The following PCCA variants were observed in gnomAD, a reference collection of about 807,000 sequenced individuals.
PCCA encodes propionyl-CoA carboxylase subunit alpha, also known as propionyl-CoA carboxylase alpha chain, mitochondrial.
In PCCA, 74 loss-of-function variants were observed where a neutral mutation model predicts 101.3. That is an observed-to-expected ratio of 0.73 (90% CI 0.61 to 0.89). The LOEUF is 0.89. PCCA is among the 40% of genes least tolerant of loss of function. The pLI is 0.00. For synonymous variants in PCCA, 294 were observed against 313.6 expected (o/e 0.94, Z 0.66); for missense variants, 891 against 907.0 (o/e 0.98, Z 0.23).
At position 100,264,182 on chromosome 13, in the gene PCCA, T is replaced by C. The variant is rs1354286635; in HGVS notation, c.819+1351T>C. Among the ~76,000 whole-genome samples the C allele has an allele frequency of 5.5e-5, 3 of 55,026 alleles. 1 individual carries two copies. Among genetic ancestry groups the C allele is most frequent in the Non-Finnish European group, 1.3e-4 (3 of 22,806 alleles). The allele number at this position is 55,026 out of a possible 152,430, so 36.1% of individuals were successfully genotyped here. On this transcript the variant is annotated intron_variant, in intron 10 of 23. Coordinates refer to ENST00000376285, the MANE Select transcript of PCCA (RefSeq NM_000282.4). ...ATGGTATCTGTATATCGTATATATG[T>C]GATATCTGTATATCATATATGTGAT...
intron 1 of PCCA, among the ~76,000 whole-genome samples, chr13:100,098,779 C>T (rs2047004788): frequency 6.6e-6 from 1 of 152,148 alleles, no homozygotes; most frequent in Admixed American, 6.5e-5. Context: ...GAGTCTTGAA[C>T]ATCTCTCTCA....
intron 4 of PCCA, among the ~76,000 whole-genome samples, chr13:100,137,124 T>C (rs1375809396): frequency 6.6e-6 from 1 of 152,156 alleles, no homozygotes. Flanking sequence ...ACATAGGTTA[T>C]TTAAAATTGT....
intron 18 of PCCA, among the ~76,000 whole-genome samples, chr13:100,352,605 G>T (rs2073412889): frequency 6.6e-6 from 1 of 151,504 alleles, no homozygotes; most frequent in Non-Finnish European, 1.5e-5. Flanking sequence ...TGTTACCCAG[G>T]CAAGTCTCGA....
At chr13:100,273,368 T>C (rs763466269) in intron 12 of PCCA, 22 bp downstream of exon 12, 7 of 1,591,994 alleles carry the variant, frequency 4.4e-6, no homozygotes, top group Non-Finnish European at 5.2e-6. Flanking sequence ...TGTTATTTAT[T>C]CCTCTCCATG....
chr13:100,121,161 T>G lies in PCCA; in HGVS notation c.300+9100T>G, dbSNP rs1394772075. On this transcript the variant is annotated intron_variant, in intron 4 of 23. Coordinates refer to ENST00000376285, the MANE Select transcript of PCCA (RefSeq NM_000282.4). The stretch of plus-strand genomic sequence containing the variant: ...TTTAGTGGATTTCTTAGGTTTTTTT[T>G]TTTTTTTTTTTTTTTTAAAGATGGA... Among the ~76,000 whole-genome samples, 5 of 105,784 alleles carry G rather than the reference T, an allele frequency of 4.7e-5. No homozygotes were observed. The Admixed American group carries it at 5.0e-4, about 11-fold the overall frequency. 69.4% of individuals were successfully genotyped at this position (105,784 alleles called of 152,430 possible).
chr13:100,356,754 G>T (rs1338844256), intron 18 of PCCA, among the ~76,000 whole-genome samples: 2 of 152,116 alleles, frequency 1.3e-5, no homozygotes, highest in African/African-American at 4.8e-5. Flanking sequence ...GCACAGAAAT[G>T]TTGTATACAA....
At chr13:100,439,994 C>T (rs1278086611) in intron 20 of PCCA, among the ~76,000 whole-genome samples, 2 of 151,456 alleles carry the variant, frequency 1.3e-5, no homozygotes, top group East Asian at 3.9e-4. Flanking sequence ...GATTGTAGCA[C>T]CACTGCATTC....
At chr13:100,323,326 TTTG>T (rs901153383) in intron 16 of PCCA, among the ~76,000 whole-genome samples, 1 of 151,626 alleles carries the variant, frequency 6.6e-6, no homozygotes, top group Non-Finnish European at 1.5e-5. Context: ...TCTTTTTTTT[TTTG>T]TTGTTTTTTT....
intron 1 of PCCA, among the ~76,000 whole-genome samples, chr13:100,095,240 C>G (rs2046662685): frequency 6.6e-6 from 1 of 152,214 alleles, no homozygotes; most frequent in Admixed American, 6.5e-5. Context: ...ATGACAAGAT[C>G]TAGGATGATT....
chr13:100,437,372 A>G (rs564334237), intron 20 of PCCA, among the ~76,000 whole-genome samples: 1 of 152,358 alleles, frequency 6.6e-6, no homozygotes, highest in East Asian at 1.9e-4. Flanking sequence ...TTGAAATGAT[A>G]AAGAACCAGG....
intron 4 of PCCA, among the ~76,000 whole-genome samples, chr13:100,142,354 T>A (rs982884450): frequency 6.6e-6 from 1 of 152,212 alleles, no homozygotes; most frequent in Admixed American, 6.5e-5. Flanking sequence ...TTTCCTTGCC[T>A]ATTGCTGCTG....
intron 19 of PCCA, among the ~76,000 whole-genome samples, chr13:100,401,043 A>G (rs2077332793): frequency 6.6e-6 from 1 of 152,102 alleles, no homozygotes; most frequent in African/African-American, 2.4e-5. Flanking sequence ...CTGATCTTTG[A>G]CTAAGGAGAG....
At chr13:100,251,091 A>G (rs930337099) in intron 8 of PCCA, among the ~76,000 whole-genome samples, 1 of 152,224 alleles carries the variant, frequency 6.6e-6, no homozygotes, top group African/African-American at 2.4e-5. Flanking sequence ...CTAGTAGGCC[A>G]GTACAAGAGT....
In PCCA at chr13:100,361,341, T is replaced by A. The variant is rs532432303; in HGVS notation, c.1644-7131T>A. On this transcript the variant is annotated intron_variant, in intron 18 of 23. Transcript: ENST00000376285. ...AATTGTAACAAATACACCATACAAA[T>A]GCAAGATGTTCATAATAGAGGAATT... 8.5e-5 allele frequency among the ~76,000 whole-genome samples: 13 copies of A among 152,310 alleles called. No individual in the cohort carries two copies. In the East Asian group the frequency reaches 2.3e-3, roughly 27 times the overall value.
rs142889011 is a variant in PCCA at position 100,466,859 on chromosome 13, A to AAAAACAAAAC, written c.1899+17568_1899+17577dup. On this transcript the variant is annotated intron_variant, in intron 21 of 23. Coordinates refer to ENST00000376285, the MANE Select transcript of PCCA (RefSeq NM_000282.4). Reference sequence around the variant, plus strand: ...GGCGATAGAGGGACAGTCCGTCTCAAAAAACAAAACAAAACAAAACAAACA... The same window carrying AAAAACAAAAC: ...GGCGATAGAGGGACAGTCCGTCTCAAAAAACAAAACAAAACAAAACAAAACAAAACAAACA... 3.9e-5 allele frequency among the ~76,000 whole-genome samples: 6 copies of AAAAACAAAAC among 151,900 alleles called. No homozygotes were observed. In the South Asian group the frequency reaches 6.2e-4, roughly 16 times the overall value.
intron 21 of PCCA, among the ~76,000 whole-genome samples, chr13:100,466,991 C>G (rs2082570977): frequency 6.6e-6 from 1 of 152,208 alleles, no homozygotes; most frequent in African/African-American, 2.4e-5. Context: ...ACGATCGTTG[C>G]TTGCTGAGTG....
chr13:100,167,208 T>C (rs1310615675), intron 6 of PCCA, among the ~76,000 whole-genome samples: 1 of 152,178 alleles, frequency 6.6e-6, no homozygotes, highest in African/African-American at 2.4e-5. Flanking sequence ...CTTGTTGAAG[T>C]CCAGGTTATT....
At chr13:100,409,133 A>G (rs2783211) in intron 19 of PCCA, among the ~76,000 whole-genome samples, 19,861 of 152,026 alleles carry the variant, frequency 0.13, 4,212 homozygotes, top group African/African-American at 0.44. Flanking sequence ...GGTCCCTCCC[A>G]AAAAAGGAAG....
intron 5 of PCCA, among the ~76,000 whole-genome samples, chr13:100,156,266 C>A (rs972753727): frequency 2.2e-4 from 34 of 152,090 alleles, no homozygotes; most frequent in African/African-American, 8.2e-4. Context: ...AGGGGTTTCA[C>A]CATGTTGGTC....
Sources: gnomAD v4.1 joint callset for allele counts (sites outside exome capture counted in the v4.1 genomes callset) on GRCh38, gnomAD v4.1.1 for gene constraint, MANE v1.5 for transcripts, NCBI Gene and HGNC (gene_info 2026-07-23, HGNC 2026-07-21) for gene names.